Variants in SCN1A observed in about 807,000 individuals in gnomAD.
SCN1A encodes sodium channel protein type 1 subunit alpha.
A neutral mutation model predicts 193.7 loss-of-function variants in SCN1A; 13 were observed. That is an observed-to-expected ratio of 0.07 (90% CI 0.04 to 0.11). SCN1A has a LOEUF of 0.11. Ranked by LOEUF, SCN1A falls within the 10% of genes least tolerant of loss-of-function variation. SCN1A has a pLI of 1.00. For synonymous variants in SCN1A, 781 were observed against 843.6 expected, an observed-to-expected ratio of 0.93 and a Z score of 1.29; for missense variants, 1,432 against 2,451.1, an observed-to-expected ratio of 0.58 and a Z score of 8.78.
chr2:166,078,975 C>T (rs955773225), intron 2 of SCN1A, among the ~76,000 whole-genome samples: 5 of 151,402 alleles, frequency 3.3e-5, no homozygotes, highest in African/African-American at 4.8e-5. Context: ...TAATGTAGTT[C>T]GTACCATTTC....
At chr2:166,071,014 G>A (rs1684363442) in intron 4 of SCN1A, among the ~76,000 whole-genome samples, 1 of 152,128 alleles carries the variant, frequency 6.6e-6, no homozygotes, top group African/African-American at 2.4e-5. Context: ...GGTAGCAAAA[G>A]GCCTGTTGAG....
intron 4 of SCN1A, 114 bp from the exon 5 acceptor site, chr2:166,058,802 C>A: frequency 1.5e-6 from 1 of 689,370 alleles, no homozygotes. Flanking sequence ...GAGAAACCAG[C>A]ACAATCACAA....
chr2:166,106,593 G>A (rs1400411647), intron 2 of SCN1A, among the ~76,000 whole-genome samples: 1 of 152,088 alleles, frequency 6.6e-6, no homozygotes, highest in Admixed American at 6.5e-5. Context: ...TGTCTGTGTT[G>A]GCAGTGTGCG....
intron 9 of SCN1A, among the ~76,000 whole-genome samples, chr2:166,050,635 A>ATATATATATATG (rs1553548978): frequency 1.2e-5 from 1 of 83,232 alleles, no homozygotes; most frequent in Non-Finnish European, 2.3e-5. Flanking sequence ...ATATATATAT[A>ATATATATATATG]TATGTGTGTA....
At chr2:166,067,452 G>A (rs1350942327) in intron 4 of SCN1A, among the ~76,000 whole-genome samples, 3 of 149,990 alleles carry the variant, frequency 2.0e-5, no homozygotes, top group African/African-American at 7.4e-5. Context: ...GGCTTATTTA[G>A]ATTCCATCAC....
intron 4 of SCN1A, among the ~76,000 whole-genome samples, chr2:166,067,597 T>C (rs1261954437): frequency 3.9e-5 from 6 of 152,108 alleles, no homozygotes; most frequent in African/African-American, 1.4e-4. Flanking sequence ...TAAACTCAGT[T>C]TTATTATTTT....
At chr2:166,040,890 AATTTT>A (rs1697085150) in intron 16 of SCN1A, among the ~76,000 whole-genome samples, 1 of 152,230 alleles carries the variant, frequency 6.6e-6, no homozygotes, top group African/African-American at 2.4e-5. Flanking sequence ...AGAGATCCAC[AATTTT>A]ATTTTAATCT....
intron 2 of SCN1A, among the ~76,000 whole-genome samples, chr2:166,122,974 A>G (rs1690773671): frequency 6.6e-6 from 1 of 152,148 alleles, no homozygotes; most frequent in Admixed American, 6.5e-5. Flanking sequence ...TTACAGAGAA[A>G]AGCTAAAATG....
chr2:166,122,756 A>G (rs1332545802), intron 2 of SCN1A, among the ~76,000 whole-genome samples: 2 of 152,220 alleles, frequency 1.3e-5, no homozygotes, highest in Non-Finnish European at 2.9e-5. Context: ...TAAATGCAAG[A>G]GCTAAAATTA....
In SCN1A at chr2:166,119,235, A is replaced by G. The variant is rs1452209692; in HGVS notation, c.-142+7689T>C. Among the ~76,000 whole-genome samples the G allele has an allele frequency of 3.9e-5, 6 of 152,158 alleles. No individual in the cohort carries two copies. In the East Asian group the frequency reaches 1.2e-3, roughly 29 times the overall value. On this transcript the variant is annotated intron_variant, in intron 2 of 28. Coordinates refer to ENST00000674923, the MANE Select transcript of SCN1A (RefSeq NM_001165963.4). ...TACTAAGTTACATCATTAATAATCTATTTCTCCTCACACAGATTTCTTTCC... is the reference window on the plus strand; with the variant it reads ...TACTAAGTTACATCATTAATAATCTGTTTCTCCTCACACAGATTTCTTTCC...
At chr2:166,014,190 C>G (rs1228416619) in intron 20 of SCN1A, among the ~76,000 whole-genome samples, 1 of 151,578 alleles carries the variant, frequency 6.6e-6, no homozygotes, top group East Asian at 1.9e-4. Context: ...TTTCCTTGTA[C>G]CATATCATCC....
chr2:166,037,455 C>G (rs919539201), intron 18 of SCN1A, among the ~76,000 whole-genome samples: 2 of 152,110 alleles, frequency 1.3e-5, no homozygotes, highest in Non-Finnish European at 2.9e-5. Context: ...TTAGGCTCAT[C>G]TCAATATGAT....
At chr2:166,133,483 TTACAATA>T (rs1225838663) in intron 1 of SCN1A, among the ~76,000 whole-genome samples, 1 of 152,180 alleles carries the variant, frequency 6.6e-6, no homozygotes, top group Non-Finnish European at 1.5e-5. Context: ...GAGATTAGCA[TTACAATA>T]TAGGTTCAGA....
intron 2 of SCN1A, among the ~76,000 whole-genome samples, chr2:166,115,227 C>A (rs896814296): frequency 1.3e-5 from 2 of 152,004 alleles, no homozygotes; most frequent in African/African-American, 4.8e-5. Context: ...GGCATGGTGG[C>A]GCATGCTTGT....
At chr2:165,998,311 C>G (rs1297533087) in intron 25 of SCN1A, 136 bp from the exon 26 acceptor site, 4 of 640,008 alleles carry the variant, frequency 6.2e-6, no homozygotes, top group Non-Finnish European at 1.1e-5. Flanking sequence ...AATCAACTAC[C>G]TCTAAAAAAC....
In SCN1A at chr2:166,012,285, A is replaced by G. The variant is rs1281873956; in HGVS notation, c.3706-3T>C. 3.7e-6 allele frequency: 6 copies of G among 1,602,612 alleles called. No homozygotes were observed. Among genetic ancestry groups the G allele is most frequent in the Non-Finnish European group, 5.1e-6 (6 of 1,171,418 alleles). On this transcript the variant is annotated splice_polypyrimidine_tract_variant and splice_region_variant and intron_variant, in intron 21 of 28. Transcript: ENST00000674923. The stretch of plus-strand genomic sequence containing the variant: ...TCAATATATATATCTTCAAATGCCT[A>G]TAAAGAAAATGTTACACATTATTAG...
In SCN1A at chr2:165,997,032, C is replaced by T. The variant is rs998355610; in HGVS notation, c.4477-915G>A. 7.3e-5 allele frequency among the ~76,000 whole-genome samples: 11 copies of T among 151,336 alleles called. 1 individual carries two copies. The highest frequency in any genetic ancestry group is 2.1e-4 in the South Asian group (1 of 4,816). ...AGAATGTTTGGTGACAGTGAGGGAA[C>T]GGTGGCATGGGTGTTCATACACTGA... On this transcript the variant is annotated intron_variant, in intron 26 of 28. Transcript: ENST00000674923.
chr2:166,132,240 A>G (rs1293339799), upstream of SCN1A, among the ~76,000 whole-genome samples: 1 of 152,196 alleles, frequency 6.6e-6, no homozygotes, highest in Non-Finnish European at 1.5e-5. Context: ...GATCTACAGG[A>G]CCACTGTATC....
intron 2 of SCN1A, chr2:166,081,428 T>C (rs764132155): frequency 6.6e-6 from 1 of 151,962 alleles, no homozygotes; most frequent in Non-Finnish European, 1.5e-5. Flanking sequence ...TCTGTGTGAC[T>C]GCTTGGGCCT....
Sources: allele counts gnomAD v4.1 joint callset (sites outside exome capture counted in the v4.1 genomes callset), GRCh38; gene constraint gnomAD v4.1.1; transcripts MANE v1.5; gene names NCBI Gene and HGNC (gene_info 2026-07-23, HGNC 2026-07-21).